Variants in PSMC4 observed in about 807,000 individuals in gnomAD.
The protein encoded by PSMC4 is 26S proteasome regulatory subunit 6B.
A neutral mutation model predicts 48.4 loss-of-function variants in PSMC4; 13 were observed. The ratio of observed to expected loss-of-function variants is 0.27; its 90% CI spans 0.18 to 0.43. PSMC4 has a LOEUF of 0.43. Ranked by LOEUF, PSMC4 falls within the 20% of genes least tolerant of loss-of-function variation. PSMC4 has a pLI of 1.00. For synonymous variants in PSMC4, 202 were observed against 212.3 expected, an observed-to-expected ratio of 0.95 and a Z score of 0.42; for missense variants, 262 against 555.9, an observed-to-expected ratio of 0.47 and a Z score of 5.32.
chr19:39,972,098 C>T (rs778847534), intron 1 of PSMC4, 48 bp from the exon 2 acceptor site: 3 of 1,547,672 alleles, frequency 1.9e-6, no homozygotes, highest in Non-Finnish European at 2.7e-6. Flanking sequence ...GGGAAGCTTT[C>T]ATGAGAGGAC....
rs774574844 is a variant in PSMC4 at position 39,974,808 on chromosome 19, C to T, written c.653C>T (p.Ala218Val). ...TGTGGGAAGACCATGTTGGCAAAGG[C>T]GGTGGCACATCACACAACAGGTGAG... ...PGCGKTMLAK[A>V]VAHHTTAAFI... The change falls in exon 6 of 11, where the codon GCG (alanine) becomes GTG (valine). Residue 218 changes from alanine to valine, a missense_variant. Ala to Val is a moderately conservative substitution (Grantham distance 64). Around this residue, in one of 4 missense-constraint regions of PSMC4, gnomAD observed 131 missense variants for 276.7 expected, o/e 0.47. Coordinates refer to ENST00000157812, the MANE Select transcript of PSMC4 (RefSeq NM_006503.4). This position sits in a 1 kb window ranked among gnomAD's most constrained non-coding sequence, Gnocchi z 5.5. The T allele has an allele frequency of 3.7e-6, 6 of 1,614,030 alleles. No homozygotes were observed. The highest frequency in any genetic ancestry group is 5.1e-6 in the Non-Finnish European group (6 of 1,179,934).
At chr19:39,972,609 C>T (rs117929492) in intron 3 of PSMC4, 54 bp downstream of exon 3, 1 of 1,518,900 alleles carries the variant, frequency 6.6e-7, no homozygotes, top group African/African-American at 1.4e-5. Context: ...CTATTTCCTA[C>T]CATGTGCTAG....
At position 39,980,793 on chromosome 19, in the gene PSMC4, T is replaced by C; in HGVS notation, c.1143+76T>C. On this transcript the variant is annotated intron_variant, in intron 10 of 10. Transcript: ENST00000157812. This position sits in a 1 kb window ranked among gnomAD's most constrained non-coding sequence, Gnocchi z 4.8. ...TCTTCTCTGAACCACTCTGCTGCAG[T>C]CCTGTCCCCTCATGGCTGCCCTGGG... 1.4e-6 allele frequency: 2 copies of C among 1,435,724 alleles called. No homozygotes were observed. The highest frequency in any genetic ancestry group is 9.8e-7 in the Non-Finnish European group (1 of 1,018,116). The allele number at this position is 1,435,724 out of a possible 1,614,324, so 88.9% of individuals were successfully genotyped here. A position where few individuals can be genotyped will look rare whatever the true frequency, so the allele number is the denominator to read the frequency against.
rs1249389184 is a variant in PSMC4 at position 39,980,150 on chromosome 19, T to C, written c.918+4T>C. 2.5e-6 allele frequency: 4 copies of C among 1,613,766 alleles called. No individual in the cohort carries two copies. The Admixed American group carries it at 6.7e-5, about 27-fold the overall frequency. ...TGATCAGAATGTCAATGTCAAGGTTTGGGGTTTGGGATGGACAAGGGGAGG... is the reference window on the plus strand; with the variant it reads ...TGATCAGAATGTCAATGTCAAGGTTCGGGGTTTGGGATGGACAAGGGGAGG... On this transcript the variant is annotated splice_donor_region_variant and intron_variant, in intron 8 of 10. Coordinates refer to ENST00000157812, the MANE Select transcript of PSMC4 (RefSeq NM_006503.4). The surrounding 1 kb of genome is among the most constrained non-coding windows in gnomAD (Gnocchi z 4.8).
intron 6 of PSMC4, among the ~76,000 whole-genome samples, chr19:39,977,739 T>G (rs1367578777): frequency 6.6e-6 from 1 of 151,608 alleles, no homozygotes; most frequent in East Asian, 2.0e-4. Context: ...GGAGAATTGC[T>G]TGAACCCAGG....
At chr19:39,976,401 C>CAAAAAAA (rs757355957) in intron 6 of PSMC4, among the ~76,000 whole-genome samples, 6 of 45,112 alleles carry the variant, frequency 1.3e-4, no homozygotes, top group Non-Finnish European at 1.5e-4. Flanking sequence ...GACTCCGTCT[C>CAAAAAAA]AAAAAAAAAA....
In PSMC4 at chr19:39,973,413, G is replaced by A. The variant is rs1026203868; in HGVS notation, c.322+858G>A. Among the ~76,000 whole-genome samples the A allele has an allele frequency of 4.6e-5, 7 of 152,036 alleles. No homozygotes were observed. In the South Asian group the frequency reaches 6.2e-4, roughly 14 times the overall value. ...AGGCTGGGCAACATGGCAAAACCCC[G>A]TCTCTACTGAAAATATAAAAATTAG... is the stretch of plus-strand genomic sequence containing the variant. On this transcript the variant is annotated intron_variant, in intron 3 of 10. Coordinates refer to ENST00000157812, the MANE Select transcript of PSMC4 (RefSeq NM_006503.4).
chr19:39,971,310 G>A (rs1308759417), intron 1 of PSMC4, 72 bp downstream of exon 1: 2 of 1,575,858 alleles, frequency 1.3e-6, no homozygotes, highest in Non-Finnish European at 1.7e-6. Context: ...ACCTGAGTGG[G>A]GGGAGGAATG....
Position 39,974,940 on chromosome 19 carries a change from C to A in PSMC4, c.673+112C>A. ...TAGAAACAGACTCTGGGGTCATAGC[C>A]CACGTGTGCATGTTACTGGCTGTGC... On this transcript the variant is annotated intron_variant, in intron 6 of 10. Transcript: ENST00000157812. This position sits in a 1 kb window ranked among gnomAD's most constrained non-coding sequence, Gnocchi z 5.5. The A allele has an allele frequency of 9.6e-7, 1 of 1,043,992 alleles. No homozygotes were observed. Among genetic ancestry groups the A allele is most frequent in the Admixed American group, 2.3e-5 (1 of 44,378 alleles). 64.7% of individuals were successfully genotyped at this position (1,043,992 alleles called of 1,614,324 possible).
At chr19:39,978,142 C>T (rs234339) in intron 6 of PSMC4, among the ~76,000 whole-genome samples, 13,647 of 152,074 alleles carry the variant, frequency 0.09, 2,017 homozygotes, top group African/African-American at 0.31. Flanking sequence ...GGGGGGAATT[C>T]ATCTATTTGT....
chr19:39,974,483 T>C lies in PSMC4; in HGVS notation c.470-41T>C. On this transcript the variant is annotated intron_variant, in intron 4 of 10. Coordinates refer to ENST00000157812, the MANE Select transcript of PSMC4 (RefSeq NM_006503.4). This position sits in a 1 kb window ranked among gnomAD's most constrained non-coding sequence, Gnocchi z 5.5. Reference sequence around the variant, plus strand: ...AGCTGGGAGGGCCCCATGGGGACCTTGAGGACCTGGCCAGGAGCCCCAGCT... The same window carrying C: ...AGCTGGGAGGGCCCCATGGGGACCTCGAGGACCTGGCCAGGAGCCCCAGCT... The C allele has an allele frequency of 6.2e-7, 1 of 1,613,208 alleles. No individual in the cohort carries two copies. The highest frequency in any genetic ancestry group is 8.5e-7 in the Non-Finnish European group (1 of 1,179,418).
chr19:39,972,698 CAT>C (rs148599802), intron 3 of PSMC4, 143 bp downstream of exon 3: 5,195 of 507,310 alleles, frequency 0.01, no homozygotes, highest in Middle Eastern at 0.016. Context: ...GAAATACATA[CAT>C]ATATATATAT....
In PSMC4 at chr19:39,971,192, G is replaced by C; in HGVS notation, c.-11G>C. ...ATCATCCCAGGCCACACAGAGGCCG[G>C]CTTGGTCACTATGGAGGAGATAGGC... On this transcript the variant is annotated 5_prime_UTR_variant, in exon 1 of 11. Transcript: ENST00000157812. The C allele has an allele frequency of 6.2e-7, 1 of 1,614,054 alleles. No individual in the cohort carries two copies. Among genetic ancestry groups the C allele is most frequent in the Non-Finnish European group, 8.5e-7 (1 of 1,179,932 alleles).
chr19:39,979,215 T>C (rs534911734), intron 6 of PSMC4, among the ~76,000 whole-genome samples: 1 of 152,186 alleles, frequency 6.6e-6, no homozygotes. Flanking sequence ...CTGGTTTTTT[T>C]CTTTCTTATT....
In PSMC4 at chr19:39,974,065, G is replaced by A. The variant is rs1239233822; in HGVS notation, c.323-229G>A. On this transcript the variant is annotated intron_variant, in intron 3 of 10. Transcript: ENST00000157812. This position sits in a 1 kb window ranked among gnomAD's most constrained non-coding sequence, Gnocchi z 5.5. Reference sequence around the variant, plus strand: ...GTGCCTCACTAGTATGAGATGCAGGGGGAGGCCTGCTGGACAGCCAGGGCT... The same window carrying A: ...GTGCCTCACTAGTATGAGATGCAGGAGGAGGCCTGCTGGACAGCCAGGGCT... Among the ~76,000 whole-genome samples, 1 of 152,146 alleles carries A rather than the reference G, an allele frequency of 6.6e-6. No homozygotes were observed. The highest frequency in any genetic ancestry group is 1.9e-4 in the East Asian group (1 of 5,194).
Position 39,981,266 on chromosome 19 carries a change from C to A in PSMC4, c.1218C>A (p.Val406=). 1 of 1,614,110 alleles carries A rather than the reference C, an allele frequency of 6.2e-7. No individual in the cohort carries two copies. ...AKDFEKAYKT[V]IKKDEQEHEF... is the part of the protein sequence containing the mutation. ...ACTTCGAGAAAGCATACAAGACTGT[C>A]ATCAAGAAGGACGAGCAGGAGCATG... Residue 406 remains valine (V), a synonymous_variant, in exon 11 of 11, where the codon GTC becomes GTA. Coordinates refer to ENST00000157812, the MANE Select transcript of PSMC4 (RefSeq NM_006503.4).
At chr19:39,976,423 A>C (rs1971200279) in intron 6 of PSMC4, among the ~76,000 whole-genome samples, 1 of 145,950 alleles carries the variant, frequency 6.9e-6, no homozygotes, top group African/African-American at 2.5e-5. Context: ...AAAAAAAAAA[A>C]GAATAGAGAC....
In PSMC4 at chr19:39,980,802, C is replaced by A; in HGVS notation, c.1143+85C>A. The A allele has an allele frequency of 7.3e-7, 1 of 1,374,444 alleles. No individual in the cohort carries two copies. Among genetic ancestry groups the A allele is most frequent in the Non-Finnish European group, 1.0e-6 (1 of 962,942 alleles). 85.1% of individuals were successfully genotyped at this position (1,374,444 alleles called of 1,614,324 possible). A position where few individuals can be genotyped will look rare whatever the true frequency, so the allele number is the denominator to read the frequency against. On this transcript the variant is annotated intron_variant, in intron 10 of 10. Transcript: ENST00000157812. This position sits in a 1 kb window ranked among gnomAD's most constrained non-coding sequence, Gnocchi z 4.8. ...AACCACTCTGCTGCAGTCCTGTCCC[C>A]TCATGGCTGCCCTGGGTCGTGGGCG...
In PSMC4 at chr19:39,973,549, C is replaced by G. The variant is rs539704554; in HGVS notation, c.323-745C>G. ...AGTGAGCCGAGATCGTGACACTGTACTACAGCCTGGGTGACAGAGCAACAC... is the reference window on the plus strand; with the variant it reads ...AGTGAGCCGAGATCGTGACACTGTAGTACAGCCTGGGTGACAGAGCAACAC... On this transcript the variant is annotated intron_variant, in intron 3 of 10. Coordinates refer to ENST00000157812, the MANE Select transcript of PSMC4 (RefSeq NM_006503.4). Among the ~76,000 whole-genome samples, 6 of 137,144 alleles carry G rather than the reference C, an allele frequency of 4.4e-5. No individual in the cohort carries two copies. In the Admixed American group the frequency reaches 4.9e-4, roughly 11 times the overall value. The allele number at this position is 137,144 out of a possible 152,430, so 90.0% of individuals were successfully genotyped here. A position where few individuals can be genotyped will look rare whatever the true frequency, so the allele number is the denominator to read the frequency against.
Sources: allele counts gnomAD v4.1 joint callset (sites outside exome capture counted in the v4.1 genomes callset), GRCh38; gene constraint gnomAD v4.1.1; regional missense constraint gnomAD v4.1.1; non-coding constraint Gnocchi (gnomAD v3.1); transcripts MANE v1.5; gene names NCBI Gene and HGNC (gene_info 2026-07-23, HGNC 2026-07-21).